Variants in COG7 observed in about 807,000 individuals in gnomAD.
COG7 encodes component of oligomeric golgi complex 7.
A neutral mutation model predicts 91.5 loss-of-function variants in COG7; 49 were observed. That is an observed-to-expected ratio of 0.54 (90% confidence interval 0.43 to 0.68). The LOEUF (loss-of-function observed/expected upper bound fraction) is 0.68. Ranked by LOEUF, COG7 falls within the 30% of genes least tolerant of loss-of-function variation. The probability of loss-of-function intolerance (pLI) is 0.00; values close to 1 mark genes in which losing one functional copy is unlikely to be tolerated. For missense variants in COG7, 895 were observed against 961.3 expected, an observed-to-expected ratio of 0.93 and a Z score of 0.91; for synonymous variants, 365 against 388.7, an observed-to-expected ratio of 0.94 and a Z score of 0.72.
chr16:23,416,957 C>T lies in COG7; in HGVS notation c.1292+10G>A. On this transcript the variant is annotated intron_variant, in intron 9 of 16. Coordinates refer to ENST00000307149, the MANE Select transcript of COG7 (RefSeq NM_153603.4). ...TGTGGCCCGTCTGGTCCCCAGTTCC[C>T]CAGCCTTACTTGGCAAAGAGGGATT... 2 of 1,614,184 alleles carry T rather than the reference C, an allele frequency of 1.2e-6. No individual in the cohort carries two copies. The highest frequency in any genetic ancestry group is 2.2e-5 in the East Asian group (1 of 44,888).
intron 16 of COG7, chr16:23,390,212 T>C (rs965031752): frequency 6.0e-5 from 9 of 149,946 alleles, no homozygotes; most frequent in Non-Finnish European, 1.3e-4. Context: ...TTTTTTTTTT[T>C]CTTTTCTGAG....
intron 1 of COG7, among the ~76,000 whole-genome samples, chr16:23,452,271 G>A (rs1343951978): frequency 6.6e-6 from 1 of 152,172 alleles, no homozygotes; most frequent in Non-Finnish European, 1.5e-5. Context: ...GTTCCAAAAG[G>A]AAACTTCAGG....
intron 14 of COG7, 193 bp from the exon 15 acceptor site, chr16:23,393,540 T>C: frequency 1.7e-6 from 1 of 593,032 alleles, no homozygotes; most frequent in Non-Finnish European, 3.0e-6. Context: ...GTAGCTTGCA[T>C]ATAGATTATA....
intron 1 of COG7, among the ~76,000 whole-genome samples, chr16:23,451,142 G>A (rs1964258696): frequency 1.3e-5 from 2 of 152,132 alleles, no homozygotes; most frequent in Non-Finnish European, 2.9e-5. Context: ...GCAGTGAGCT[G>A]AGATGGCGCC....
At chr16:23,416,663 T>G (rs996922430) in intron 9 of COG7, 1 of 413,802 alleles carries the variant, frequency 2.4e-6, no homozygotes. Flanking sequence ...AAATAAACTT[T>G]GTTAAATTTA....
chr16:23,422,241 G>A (rs1287443199), intron 7 of COG7, among the ~76,000 whole-genome samples: 3 of 151,868 alleles, frequency 2.0e-5, no homozygotes, highest in African/African-American at 7.3e-5. Flanking sequence ...GAGCCCAGAA[G>A]GTTCAAGGCT....
intron 4 of COG7, among the ~76,000 whole-genome samples, chr16:23,438,900 G>A (rs1313084895): frequency 2.6e-5 from 4 of 151,992 alleles, no homozygotes; most frequent in African/African-American, 9.7e-5. Context: ...GCTCACACCT[G>A]TAATCCCAGC....
chr16:23,422,140 T>C (rs1237822861), intron 7 of COG7, among the ~76,000 whole-genome samples: 1 of 151,940 alleles, frequency 6.6e-6, no homozygotes, highest in African/African-American at 2.4e-5. Context: ...GAAGACCCTG[T>C]CTCTACAAAA....
intron 6 of COG7, among the ~76,000 whole-genome samples, chr16:23,428,819 G>A (rs1043109762): frequency 6.6e-6 from 1 of 151,564 alleles, no homozygotes; most frequent in African/African-American, 2.4e-5. Flanking sequence ...AGCCTCCCGA[G>A]TAGCTGGGAT....
At chr16:23,449,860 CACTT>C (rs1964240664) in intron 1 of COG7, among the ~76,000 whole-genome samples, 1 of 151,868 alleles carries the variant, frequency 6.6e-6, no homozygotes, top group African/African-American at 2.4e-5. Context: ...GTTTCAGAAT[CACTT>C]AGTTAATACA....
chr16:23,426,060 A>G (rs1426278487), intron 6 of COG7, among the ~76,000 whole-genome samples: 1 of 152,064 alleles, frequency 6.6e-6, no homozygotes, highest in African/African-American at 2.4e-5. Context: ...CTAAAAATAC[A>G]AAAAAATTAG....
chr16:23,389,292 C>G (rs1241413281), intron 16 of COG7, among the ~76,000 whole-genome samples: 2 of 152,046 alleles, frequency 1.3e-5, no homozygotes, highest in Non-Finnish European at 2.9e-5. Flanking sequence ...TGGCTCGAGT[C>G]TAGGAACTCT....
Position 23,446,262 on chromosome 16 carries a change from C to T in COG7, c.170-301G>A, listed in dbSNP as rs3096175. Among the ~76,000 whole-genome samples the T allele has an allele frequency of 0.29, 44,681 of 151,888 alleles. 7,558 individuals carry two copies. Among genetic ancestry groups the T allele is most frequent in the African/African-American group, 0.47 (19,339 of 41,380 alleles). Reference sequence around the variant, plus strand: ...CACCACCAGTGAAATCATAACTCCACTTGCAAGGAGGCATGCCCCAGGAGC... The same window carrying T: ...CACCACCAGTGAAATCATAACTCCATTTGCAAGGAGGCATGCCCCAGGAGC... On this transcript the variant is annotated intron_variant, in intron 1 of 16. Coordinates refer to ENST00000307149, the MANE Select transcript of COG7 (RefSeq NM_153603.4).
intron 6 of COG7, among the ~76,000 whole-genome samples, chr16:23,433,310 C>G (rs749084854): frequency 9.9e-5 from 15 of 152,046 alleles, no homozygotes; most frequent in Non-Finnish European, 1.8e-4. Context: ...AGGCTGGTCT[C>G]GAACTCCTAG....
At chr16:23,419,797 A>G (rs186865558) in intron 7 of COG7, among the ~76,000 whole-genome samples, 27 of 150,630 alleles carry the variant, frequency 1.8e-4, no homozygotes, top group Non-Finnish European at 2.5e-4. Flanking sequence ...GCAATACAGG[A>G]AGAACAATTC....
intron 4 of COG7, among the ~76,000 whole-genome samples, chr16:23,439,325 A>G (rs1007703752): frequency 6.6e-6 from 1 of 151,212 alleles, no homozygotes; most frequent in Non-Finnish European, 1.5e-5. Flanking sequence ...AAAAAAAAAA[A>G]AAGATAAGCA....
intron 7 of COG7, among the ~76,000 whole-genome samples, chr16:23,422,695 A>T (rs975669152): frequency 7.9e-5 from 12 of 151,996 alleles, no homozygotes; most frequent in African/African-American, 2.7e-4. Flanking sequence ...TTTCCAAAAA[A>T]TTTTTAAGTT....
In COG7 at chr16:23,424,961, G is replaced by A; in HGVS notation, c.811-14C>T. The A allele has an allele frequency of 2.5e-6, 4 of 1,587,270 alleles. No homozygotes were observed. Among genetic ancestry groups the A allele is most frequent in the Non-Finnish European group, 3.4e-6 (4 of 1,164,460 alleles). The stretch of plus-strand genomic sequence containing the variant: ...CTTCTGGAAAACCTGCAGTGAGAGA[G>A]AGGTGTACCTGCCTTAGCACATGGA... On this transcript the variant is annotated splice_polypyrimidine_tract_variant and intron_variant, in intron 6 of 16. Transcript: ENST00000307149.
intron 14 of COG7, among the ~76,000 whole-genome samples, chr16:23,396,609 G>A (rs1331756595): frequency 6.6e-6 from 1 of 152,040 alleles, no homozygotes. Context: ...AATCTAGGAG[G>A]CCAAAGTTGC....
Sources: allele counts gnomAD v4.1 joint callset (sites outside exome capture counted in the v4.1 genomes callset), GRCh38; gene constraint gnomAD v4.1.1; transcripts MANE v1.5; gene names NCBI Gene and HGNC (gene_info 2026-07-23, HGNC 2026-07-21).